The following ZFP2 variants were observed in gnomAD, a reference collection of about 807,000 sequenced individuals.
ZFP2 encodes ZFP2 zinc finger protein, also known as zinc finger protein ZFP2.
Under a neutral mutation model 36.1 loss-of-function variants are expected in ZFP2, and 33 were observed. The ratio of observed to expected loss-of-function variants is 0.92; its 90% CI spans 0.69 to 1.22. ZFP2 has a LOEUF of 1.22. Ranked by LOEUF, ZFP2 falls within the 50% of genes most tolerant of loss-of-function variation. The pLI, the probability that ZFP2 is intolerant of heterozygous loss-of-function variation, is 0.00. For missense variants in ZFP2, 522 were observed against 551.4 expected, an observed-to-expected ratio of 0.95 and a Z score of 0.53; for synonymous variants, 170 against 178.0, an observed-to-expected ratio of 0.96 and a Z score of 0.36.
At chr5:178,915,933 T>C (rs749617007) in intron 3 of ZFP2, among the ~76,000 whole-genome samples, 8 of 152,214 alleles carry the variant, frequency 5.3e-5, no homozygotes, top group Non-Finnish European at 1.5e-5. Flanking sequence ...AGTGAATATT[T>C]AATGACATCA....
chr5:178,911,226 A>G (rs1758292183), intron 1 of ZFP2, among the ~76,000 whole-genome samples: 1 of 152,224 alleles, frequency 6.6e-6, no homozygotes, highest in African/African-American at 2.4e-5. Flanking sequence ...CTGAGTGTTG[A>G]CACTTTTTCT....
chr5:178,928,396 A>C (rs1343598400), intron 4 of ZFP2, among the ~76,000 whole-genome samples: 2 of 152,210 alleles, frequency 1.3e-5, no homozygotes, highest in Admixed American at 6.5e-5. Flanking sequence ...ATAAAAGACA[A>C]GTTAGTTACC....
rs143166804 is a variant in ZFP2 at position 178,932,149 on chromosome 5, T to G, written c.836T>G (p.Phe279Cys). 1 of 1,613,230 alleles carries G rather than the reference T, an allele frequency of 6.2e-7. No individual in the cohort carries two copies. Among genetic ancestry groups the G allele is most frequent in the Non-Finnish European group, 8.5e-7 (1 of 1,179,460 alleles). ...GAGTGTAGTCAATGTGGAAAAGCCT[T>G]TAGTAAGAGCTCAACTCTTACCCTA... Reference protein sequence around the residue: ...PYECSQCGKAFSKSSTLTLHQ... With the variant: ...PYECSQCGKACSKSSTLTLHQ... Residue 279 changes from phenylalanine (F) to cysteine (C), a missense_variant, in exon 5 of 5, where the codon TTT (phenylalanine) becomes TGT (cysteine). Phe to Cys is a radical substitution (Grantham distance 205). Coordinates refer to ENST00000361362, the MANE Select transcript of ZFP2 (RefSeq NM_030613.4).
chr5:178,913,635 T>C (rs577439020), intron 3 of ZFP2, among the ~76,000 whole-genome samples: 1 of 152,286 alleles, frequency 6.6e-6, no homozygotes, highest in South Asian at 2.1e-4. Context: ...ATATTTTCTT[T>C]CTCATTCCCA....
chr5:178,918,879 A>C (rs771702861), intron 4 of ZFP2, among the ~76,000 whole-genome samples: 13 of 152,228 alleles, frequency 8.5e-5, no homozygotes, highest in Non-Finnish European at 1.5e-4. Context: ...ACATTGTTTA[A>C]TCCTGGAAGA....
chr5:178,932,762 C>G lies in ZFP2; in HGVS notation c.*63C>G. On this transcript the variant is annotated 3_prime_UTR_variant, in exon 5 of 5. Coordinates refer to ENST00000361362, the MANE Select transcript of ZFP2 (RefSeq NM_030613.4). ...TTCAGTAATAATCATATGAGACATA[C>G]AATGTAGAAACCTAATAAATGTAAT... 1.3e-6 allele frequency: 2 copies of G among 1,506,746 alleles called. No homozygotes were observed. Among genetic ancestry groups the G allele is most frequent in the Non-Finnish European group, 1.8e-6 (2 of 1,127,890 alleles). The allele number at this position is 1,506,746 out of a possible 1,614,324, so 93.3% of individuals were successfully genotyped here.
At chr5:178,903,736 G>A (rs1725454589) in intron 1 of ZFP2, among the ~76,000 whole-genome samples, 1 of 152,206 alleles carries the variant, frequency 6.6e-6, no homozygotes, top group Non-Finnish European at 1.5e-5. Flanking sequence ...TTGGGAGGCC[G>A]AGGTGGGTGG....
intron 1 of ZFP2, among the ~76,000 whole-genome samples, chr5:178,908,060 C>A: frequency 6.6e-6 from 1 of 152,184 alleles, no homozygotes; most frequent in Non-Finnish European, 1.5e-5. Context: ...ATGCTCTTGG[C>A]TGGCCTTGGC....
chr5:178,928,060 A>T (rs561150021), intron 4 of ZFP2, among the ~76,000 whole-genome samples: 5 of 151,886 alleles, frequency 3.3e-5, no homozygotes, highest in Admixed American at 6.6e-5. Context: ...ATGAGAACTC[A>T]CTCATGATAG....
At chr5:178,915,497 A>G (rs796460496) in intron 3 of ZFP2, among the ~76,000 whole-genome samples, 2 of 151,824 alleles carry the variant, frequency 1.3e-5, no homozygotes, top group African/African-American at 4.8e-5. Flanking sequence ...GCATTTTAGT[A>G]GAGACAGGGT....
intron 1 of ZFP2, among the ~76,000 whole-genome samples, chr5:178,901,676 A>G (rs1316894237): frequency 6.6e-6 from 1 of 152,230 alleles, no homozygotes; most frequent in Non-Finnish European, 1.5e-5. Flanking sequence ...GCAAGGTACT[A>G]GAAGCTGGGA....
At chr5:178,922,095 A>T in intron 4 of ZFP2, 1 of 1,100,434 alleles carries the variant, frequency 9.1e-7, no homozygotes, top group Non-Finnish European at 1.4e-6. Flanking sequence ...AGACTACTGT[A>T]TACCCATCTT....
chr5:178,915,728 G>C (rs1049969413), intron 3 of ZFP2: 2 of 152,010 alleles, frequency 1.3e-5, no homozygotes, highest in Non-Finnish European at 2.9e-5. Context: ...TACTCGGGAG[G>C]CTGAGGTGCA....
Position 178,927,501 on chromosome 5 carries a change from GT to G in ZFP2, c.-77-3724del, listed in dbSNP as rs11388061. ...ATTTATTCATTTATTTATTTTTGGG[GT>G]TTTTTTTTTTTGAGACGGAGTTTCG... On this transcript the variant is annotated intron_variant, in intron 4 of 4. Transcript: ENST00000361362. 2.5e-3 allele frequency among the ~76,000 whole-genome samples: 367 copies of G among 145,288 alleles called. 1 individual carries two copies. The highest frequency in any genetic ancestry group is 6.9e-3 in the African/African-American group (272 of 39,662).
chr5:178,931,235 A>C lies in ZFP2; in HGVS notation c.-77-2A>C. ...TGCATTTGAATTTTTTTTTTTTTTC[A>C]GACTGGGAGACAAGACTTGAAACCA... On this transcript the variant is annotated splice_acceptor_variant, in intron 4 of 4. Coordinates refer to ENST00000361362, the MANE Select transcript of ZFP2 (RefSeq NM_030613.4). LOFTEE classifies it low-confidence loss of function (5UTR_SPLICE). The C allele has an allele frequency of 1.3e-6, 2 of 1,498,834 alleles. No individual in the cohort carries two copies. The highest frequency in any genetic ancestry group is 1.8e-6 in the Non-Finnish European group (2 of 1,128,096). 92.8% of individuals were successfully genotyped at this position (1,498,834 alleles called of 1,614,324 possible).
At position 178,932,037 on chromosome 5, in the gene ZFP2, T is replaced by C. The variant is rs1758859577; in HGVS notation, c.724T>C (p.Tyr242His). 2 of 1,614,078 alleles carry C rather than the reference T, an allele frequency of 1.2e-6. No individual in the cohort carries two copies. Among genetic ancestry groups the C allele is most frequent in the Non-Finnish European group, 1.7e-6 (2 of 1,180,018 alleles). ...HQRTHTGEKPYECNECGKAFS... is the reference protein window; with the variant it reads ...HQRTHTGEKPHECNECGKAFS... The stretch of plus-strand genomic sequence containing the variant: ...GAGAACTCATACAGGAGAAAAACCC[T>C]ATGAATGTAATGAATGTGGAAAAGC... The change falls in exon 5 of 5, where the codon TAT (tyrosine) becomes CAT (histidine). Residue 242 changes from tyrosine (Y) to histidine (H), a missense_variant. Physicochemically the swap from Tyr to His is moderately conservative, Grantham distance 83. Transcript: ENST00000361362.
intron 4 of ZFP2, among the ~76,000 whole-genome samples, chr5:178,918,298 G>T (rs1379309687): frequency 1.3e-5 from 2 of 152,204 alleles, no homozygotes; most frequent in African/African-American, 4.8e-5. Context: ...GCATTGTAGG[G>T]TAGCAAGAGT....
intron 1 of ZFP2, among the ~76,000 whole-genome samples, chr5:178,907,892 C>T (rs1322853813): frequency 2.0e-5 from 3 of 152,180 alleles, no homozygotes; most frequent in Non-Finnish European, 2.9e-5. Context: ...CTCAGTACAA[C>T]GTGTTCTTAA....
chr5:178,930,259 A>G (rs898510048), intron 4 of ZFP2, among the ~76,000 whole-genome samples: 1 of 147,350 alleles, frequency 6.8e-6, no homozygotes, highest in African/African-American at 2.5e-5. Context: ...ACTTCCTATC[A>G]TATTTCATTT....
Sources: allele counts gnomAD v4.1 joint callset (sites outside exome capture counted in the v4.1 genomes callset), GRCh38; gene constraint gnomAD v4.1.1; transcripts MANE v1.5; gene names NCBI Gene and HGNC (gene_info 2026-07-23, HGNC 2026-07-21).